Variants in PDE4D observed in about 807,000 individuals in gnomAD.
PDE4D encodes the protein 3',5'-cyclic-AMP phosphodiesterase 4D.
PDE4D carries 24 observed loss-of-function variants against 87.4 expected under a neutral mutation model. That is an observed-to-expected ratio of 0.27 (90% CI 0.20 to 0.39). PDE4D has a LOEUF of 0.39. PDE4D is among the 10% of genes least tolerant of loss of function. The pLI, the probability that PDE4D is intolerant of heterozygous loss-of-function variation, is 1.00. For missense variants in PDE4D, 714 were observed against 1,041.0 expected (o/e 0.69, Z 4.32); for synonymous variants, 384 against 383.2 (o/e 1.00, Z -0.02).
At chr5:59,404,173 T>G (rs968726841) in intron 1 of PDE4D, among the ~76,000 whole-genome samples, 1 of 152,116 alleles carries the variant, frequency 6.6e-6, no homozygotes, top group Non-Finnish European at 1.5e-5. Context: ...TCCTACGGAG[T>G]TGAGCTCCTA....
At chr5:59,812,999 A>G (rs936734701) in intron 1 of PDE4D, among the ~76,000 whole-genome samples, 1 of 152,220 alleles carries the variant, frequency 6.6e-6, no homozygotes, top group Non-Finnish European at 1.5e-5. Context: ...TTCTGATACC[A>G]ATAGGGTTGT....
At chr5:60,244,087 G>C (rs989442131) in intron 1 of PDE4D, among the ~76,000 whole-genome samples, 1 of 151,772 alleles carries the variant, frequency 6.6e-6, no homozygotes, top group Non-Finnish European at 1.5e-5. Context: ...ATTAGAACTG[G>C]TAAGCAAATT....
chr5:59,377,021 A>C (rs1784841818), intron 1 of PDE4D, among the ~76,000 whole-genome samples: 1 of 152,192 alleles, frequency 6.6e-6, no homozygotes, highest in Non-Finnish European at 1.5e-5. Context: ...CATATACAAA[A>C]CTTAACTCAA....
chr5:59,552,623 T>TA (rs1452378694), intron 1 of PDE4D, among the ~76,000 whole-genome samples: 1 of 152,054 alleles, frequency 6.6e-6, no homozygotes, highest in African/African-American at 2.4e-5. Flanking sequence ...TGCATCCTTT[T>TA]AAAAAAAACT....
At chr5:59,410,056 C>T (rs1792378632) in intron 1 of PDE4D, among the ~76,000 whole-genome samples, 1 of 152,154 alleles carries the variant, frequency 6.6e-6, no homozygotes, top group African/African-American at 2.4e-5. Context: ...AAGCATTTAT[C>T]ATTTCTTTGT....
rs1425905826 is a variant in PDE4D at position 59,399,881 on chromosome 5, T to C, written c.456-183913A>G. Among the ~76,000 whole-genome samples, 4 of 111,142 alleles carry C rather than the reference T, an allele frequency of 3.6e-5. 1 individual carries two copies. Among genetic ancestry groups the C allele is most frequent in the African/African-American group, 7.6e-5 (2 of 26,268 alleles). 72.9% of individuals were successfully genotyped at this position (111,142 alleles called of 152,430 possible). ...AATCTACAATGAACTCAAACAAATTTACAAGAAAAAAACAAATAACCCCAT... is the reference window on the plus strand; with the variant it reads ...AATCTACAATGAACTCAAACAAATTCACAAGAAAAAAACAAATAACCCCAT... On this transcript the variant is annotated intron_variant, in intron 1 of 14. Transcript: ENST00000340635.
At chr5:60,111,945 C>T (rs966731029) in intron 2 of PDE4D, among the ~76,000 whole-genome samples, 1 of 151,846 alleles carries the variant, frequency 6.6e-6, no homozygotes, top group Admixed American at 6.6e-5. Flanking sequence ...ATGATTTGAA[C>T]CTTAACAGTT....
chr5:59,136,296 T>G (rs1398050294), intron 5 of PDE4D, among the ~76,000 whole-genome samples: 1 of 152,170 alleles, frequency 6.6e-6, no homozygotes, highest in Non-Finnish European at 1.5e-5. Context: ...AAGCATTTCT[T>G]GTGATGATGG....
intron 2 of PDE4D, among the ~76,000 whole-genome samples, chr5:59,209,081 T>C (rs1441969492): frequency 6.6e-6 from 1 of 152,204 alleles, no homozygotes; most frequent in Non-Finnish European, 1.5e-5. Context: ...ATAAATTCTC[T>C]ACTCTAGAGC....
At chr5:60,091,633 G>A (rs1775119885) in intron 2 of PDE4D, among the ~76,000 whole-genome samples, 1 of 152,076 alleles carries the variant, frequency 6.6e-6, no homozygotes, top group African/African-American at 2.4e-5. Context: ...TCACTGCTGG[G>A]AATACATTTT....
chr5:59,616,495 G>A (rs1829688589), intron 1 of PDE4D, among the ~76,000 whole-genome samples: 1 of 152,024 alleles, frequency 6.6e-6, no homozygotes, highest in Non-Finnish European at 1.5e-5. Context: ...TAAATATAAT[G>A]TAGCAGTGTT....
At chr5:59,586,244 G>A (rs1315601770) in intron 1 of PDE4D, 5 of 1,055,072 alleles carry the variant, frequency 4.7e-6, no homozygotes, top group Non-Finnish European at 7.4e-6. Context: ...CAATACTCTA[G>A]TTCAAGACAA....
chr5:60,026,774 C>A (rs1448925878), intron 2 of PDE4D, among the ~76,000 whole-genome samples: 2 of 152,138 alleles, frequency 1.3e-5, no homozygotes, highest in Non-Finnish European at 2.9e-5. Flanking sequence ...TTGCTGAAAA[C>A]CCTCAATGAT....
At chr5:60,148,291 CA>C (rs1166497624) in intron 2 of PDE4D, among the ~76,000 whole-genome samples, 1 of 152,074 alleles carries the variant, frequency 6.6e-6, no homozygotes, top group African/African-American at 2.4e-5. Context: ...GTTCTTCATC[CA>C]CAATTTAACC....
chr5:59,136,158 A>G (rs754637906), intron 5 of PDE4D, among the ~76,000 whole-genome samples: 11 of 152,298 alleles, frequency 7.2e-5, no homozygotes, highest in African/African-American at 2.6e-4. Context: ...AATTGATTCA[A>G]TGAGTCTTTG....
chr5:59,008,887 C>G (rs1427340492), intron 6 of PDE4D, among the ~76,000 whole-genome samples: 1 of 151,988 alleles, frequency 6.6e-6, no homozygotes, highest in Non-Finnish European at 1.5e-5. Context: ...AATAAGAGGA[C>G]AATCCAGTGA....
chr5:59,761,947 A>C (rs1308252504), intron 1 of PDE4D, among the ~76,000 whole-genome samples: 1 of 152,106 alleles, frequency 6.6e-6, no homozygotes, highest in Non-Finnish European at 1.5e-5. Flanking sequence ...CAAACACAAG[A>C]GTAATTAATG....
At chr5:60,042,524 ACAGACACCT>A (rs756764322) in intron 2 of PDE4D, among the ~76,000 whole-genome samples, 5 of 152,196 alleles carry the variant, frequency 3.3e-5, no homozygotes, top group Non-Finnish European at 7.3e-5. Context: ...GCAGGGGTCG[ACAGACACCT>A]CATACAGGAG....
At chr5:60,477,720 T>C (rs187574830) in intron 1 of PDE4D, among the ~76,000 whole-genome samples, 4 of 152,306 alleles carry the variant, frequency 2.6e-5, no homozygotes, top group East Asian at 3.9e-4. Context: ...GAAAAGTGCA[T>C]GTGTGTTGCC....
Sources: gnomAD v4.1 joint callset for allele counts (sites outside exome capture counted in the v4.1 genomes callset) on GRCh38, gnomAD v4.1.1 for gene constraint, MANE v1.5 for transcripts, NCBI Gene and HGNC (gene_info 2026-07-23, HGNC 2026-07-21) for gene names.